Variants in TUT4 observed in about 807,000 individuals in gnomAD.
TUT4 encodes terminal uridylyl transferase 4, also known as terminal uridylyltransferase 4.
A neutral mutation model predicts 192.2 loss-of-function variants in TUT4; 36 were observed. The ratio of observed to expected loss-of-function variants is 0.19; its 90% CI spans 0.14 to 0.25. The LOEUF (loss-of-function observed/expected upper bound fraction) is 0.25, where lower values mean the gene tolerates loss of function less well. Ranked by LOEUF, TUT4 falls within the 10% of genes least tolerant of loss-of-function variation. The pLI, the probability that TUT4 is intolerant of heterozygous loss-of-function variation, is 1.00. For synonymous variants in TUT4, 618 were observed against 666.0 expected (o/e 0.93, Z 1.11); for missense variants, 1,493 against 1,957.2 (o/e 0.76, Z 4.47).
chr1:52,440,578 A>C (rs998248529), intron 24 of TUT4, among the ~76,000 whole-genome samples: 11 of 152,080 alleles, frequency 7.2e-5, no homozygotes, highest in Non-Finnish European at 1.6e-4. Flanking sequence ...TTAAGACAGA[A>C]ACCTAAGAAG....
intron 27 of TUT4, 124 bp downstream of exon 27, chr1:52,435,241 A>C (rs1436997797): frequency 2.1e-5 from 14 of 658,544 alleles, no homozygotes; most frequent in Middle Eastern, 3.0e-4. Flanking sequence ...TAGCAAGGAC[A>C]TATATACAAA....
At position 52,490,905 on chromosome 1, in the gene TUT4, T is replaced by G; in HGVS notation, c.1319-104A>C. 3.2e-6 allele frequency: 3 copies of G among 928,312 alleles called. No homozygotes were observed. The South Asian group carries it at 5.4e-5, about 17-fold the overall frequency. 57.5% of individuals were successfully genotyped at this position (928,312 alleles called of 1,614,324 possible). ...TCCTTCTGAAAATTATTCTCATTGC[T>G]TCTGTGGGATAATCCACTCTTCTCA... On this transcript the variant is annotated intron_variant, in intron 7 of 29. Coordinates refer to ENST00000257177, the MANE Select transcript of TUT4 (RefSeq NM_001009881.3).
intron 24 of TUT4, among the ~76,000 whole-genome samples, chr1:52,440,400 G>A (rs1321039733): frequency 6.8e-6 from 1 of 147,728 alleles, no homozygotes; most frequent in Non-Finnish European, 1.5e-5. Context: ...CAAAGTAATA[G>A]ATTACAGGCA....
rs1200260762 is a variant in TUT4, at chr1:52,463,686, T to C, written c.3069+1384A>G. The C allele has an allele frequency of 4.6e-6, 6 of 1,304,232 alleles. No individual in the cohort carries two copies. In the Middle Eastern group the frequency reaches 6.4e-4, roughly 139 times the overall value. The allele number at this position is 1,304,232 out of a possible 1,614,324, so 80.8% of individuals were successfully genotyped here. On this transcript the variant is annotated intron_variant, in intron 16 of 29. Transcript: ENST00000257177. The stretch of plus-strand genomic sequence containing the variant: ...CTACAAGGATACCCTCCTTTGCTAG[T>C]TGCTGTTGAGAAGGCCTGGGACACT...
intron 1 of TUT4, among the ~76,000 whole-genome samples, chr1:52,535,371 ACTCT>A (rs1240825842): frequency 9.2e-5 from 14 of 151,928 alleles, no homozygotes; most frequent in East Asian, 3.9e-4. Context: ...ATTTCTAAGA[ACTCT>A]CTCTAATTAT....
At chr1:52,551,452 A>G (rs1689408631) in intron 1 of TUT4, among the ~76,000 whole-genome samples, 1 of 152,208 alleles carries the variant, frequency 6.6e-6, no homozygotes, top group Admixed American at 6.5e-5. Context: ...TTTAAAGCAT[A>G]AAACGACTTA....
chr1:52,445,563 G>C (rs1311872275), intron 24 of TUT4, among the ~76,000 whole-genome samples: 1 of 151,902 alleles, frequency 6.6e-6, no homozygotes, highest in Non-Finnish European at 1.5e-5. Flanking sequence ...GTCTTCGTGG[G>C]GCTTATAGTC....
At chr1:52,503,532 G>A (rs953007637) in intron 4 of TUT4, among the ~76,000 whole-genome samples, 2 of 152,030 alleles carry the variant, frequency 1.3e-5, no homozygotes, top group Non-Finnish European at 2.9e-5. Flanking sequence ...AGCAGAAACT[G>A]TTCTTCCCAG....
At position 52,430,999 on chromosome 1, in the gene TUT4, A is replaced by G; in HGVS notation, c.4711+14T>C. 1 of 1,540,166 alleles carries G rather than the reference A, an allele frequency of 6.5e-7. No individual in the cohort carries two copies. Among genetic ancestry groups the G allele is most frequent in the East Asian group, 2.3e-5 (1 of 44,020 alleles). ...AAAGACATGCAGATAAAAAAGAAGA[A>G]AAGGAAAGGTTACCTGAATTCCCCA... On this transcript the variant is annotated intron_variant, in intron 28 of 29. Transcript: ENST00000257177.
chr1:52,479,972 G>C (rs981760545), intron 11 of TUT4, among the ~76,000 whole-genome samples: 2 of 149,372 alleles, frequency 1.3e-5, no homozygotes, highest in African/African-American at 5.0e-5. Flanking sequence ...TCCAGCCTGG[G>C]CGACAGAGCG....
chr1:52,462,871 A>C, intron 16 of TUT4: 2 of 985,330 alleles, frequency 2.0e-6, no homozygotes, highest in Middle Eastern at 5.2e-4. Context: ...AATTAACTGG[A>C]AATAGCTGAA....
rs892411760 is a variant in TUT4 at position 52,535,567 on chromosome 1, T to C, written c.-93-9194A>G. On this transcript the variant is annotated intron_variant, in intron 1 of 29. Transcript: ENST00000257177. The stretch of plus-strand genomic sequence containing the variant: ...TTCTTCTCTACCAAGCGTACCAACA[T>C]ATGCATAATAGGAGTCACAGAAAGA... 4.6e-5 allele frequency among the ~76,000 whole-genome samples: 7 copies of C among 152,098 alleles called. No individual in the cohort carries two copies. The South Asian group carries it at 6.2e-4, about 14-fold the overall frequency.
At chr1:52,503,328 T>G (rs1017179909) in intron 4 of TUT4, among the ~76,000 whole-genome samples, 4 of 152,188 alleles carry the variant, frequency 2.6e-5, no homozygotes, top group African/African-American at 9.6e-5. Context: ...TAAATGATTA[T>G]TTAAATTAAA....
chr1:52,457,969 G>A (rs1277896644), intron 20 of TUT4, among the ~76,000 whole-genome samples: 1 of 152,144 alleles, frequency 6.6e-6, no homozygotes, highest in Non-Finnish European at 1.5e-5. Context: ...CAGGCAACAG[G>A]AGGGAAAATA....
intron 20 of TUT4, among the ~76,000 whole-genome samples, chr1:52,455,755 C>T (rs1480672915): frequency 1.3e-5 from 2 of 151,730 alleles, no homozygotes; most frequent in Non-Finnish European, 2.9e-5. Flanking sequence ...CTACTACACA[C>T]CTAAAAGAAT....
chr1:52,424,043 C>T (rs764870705), intron 29 of TUT4, 41 bp from the exon 30 acceptor site: 1 of 1,573,342 alleles, frequency 6.4e-7, no homozygotes, highest in Non-Finnish European at 8.6e-7. Flanking sequence ...AAGGCTTGTG[C>T]CTGTTTATCT....
At chr1:52,548,328 A>C (rs1442151368) in intron 1 of TUT4, among the ~76,000 whole-genome samples, 1 of 152,228 alleles carries the variant, frequency 6.6e-6, no homozygotes, top group Non-Finnish European at 1.5e-5. Flanking sequence ...CTACACACTG[A>C]CAAAATGCAA....
At chr1:52,436,394 G>A (rs1264572823) in intron 26 of TUT4, among the ~76,000 whole-genome samples, 1 of 151,296 alleles carries the variant, frequency 6.6e-6, no homozygotes, top group African/African-American at 2.5e-5. Flanking sequence ...GCTGAGGCAG[G>A]AGAATCGCTT....
chr1:52,456,474 G>C (rs1221246854), intron 20 of TUT4, among the ~76,000 whole-genome samples: 1 of 109,958 alleles, frequency 9.1e-6, no homozygotes, highest in Admixed American at 9.2e-5. Flanking sequence ...AAAAAAGTCT[G>C]AACATTTAAA....
Sources: gnomAD v4.1 joint callset for allele counts (sites outside exome capture counted in the v4.1 genomes callset) on GRCh38, gnomAD v4.1.1 for gene constraint, MANE v1.5 for transcripts, NCBI Gene and HGNC (gene_info 2026-07-23, HGNC 2026-07-21) for gene names.